Variants in SCMH1 observed in about 807,000 individuals in gnomAD.
SCMH1 encodes the protein polycomb protein SCMH1.
A neutral mutation model predicts 70.8 loss-of-function variants in SCMH1; 37 were observed. The ratio of observed to expected loss-of-function variants is 0.52; its 90% CI spans 0.40 to 0.69. SCMH1 has a LOEUF of 0.69. Ranked by LOEUF, SCMH1 falls within the 30% of genes least tolerant of loss-of-function variation. The pLI, the probability that SCMH1 is intolerant of heterozygous loss-of-function variation, is 0.00. For synonymous variants in SCMH1, 292 were observed against 307.4 expected, an observed-to-expected ratio of 0.95 and a Z score of 0.52; for missense variants, 607 against 827.3, an observed-to-expected ratio of 0.73 and a Z score of 3.27.
chr1:41,119,438 C>CAA (rs140951721), intron 6 of SCMH1, among the ~76,000 whole-genome samples: 47 of 85,472 alleles, frequency 5.5e-4, no homozygotes, highest in East Asian at 2.9e-3. Context: ...CCCTTTAGGG[C>CAA]AAAAAAAAAA....
chr1:41,233,622 C>T (rs1045006962), intron 1 of SCMH1, among the ~76,000 whole-genome samples: 1 of 152,088 alleles, frequency 6.6e-6, no homozygotes, highest in Non-Finnish European at 1.5e-5. Flanking sequence ...TCTGAGATAT[C>T]CATATCTCTA....
chr1:41,186,092 C>T lies in SCMH1; in HGVS notation c.13+29G>A, dbSNP rs1398063520. Reference sequence around the variant, plus strand: ...TTGCTAGGTCTCTTAATCCCTCTTACCTCCACGATAGGGTAAAAAGATACT... The same window carrying T: ...TTGCTAGGTCTCTTAATCCCTCTTATCTCCACGATAGGGTAAAAAGATACT... On this transcript the variant is annotated intron_variant, in intron 2 of 14. Transcript: ENST00000337495. 4.5e-6 allele frequency: 7 copies of T among 1,546,644 alleles called. No individual in the cohort carries two copies. In the East Asian group the frequency reaches 1.7e-4, roughly 38 times the overall value.
intron 6 of SCMH1, among the ~76,000 whole-genome samples, chr1:41,123,801 A>G (rs1672518683): frequency 6.6e-6 from 1 of 152,242 alleles, no homozygotes; most frequent in Admixed American, 6.5e-5. Flanking sequence ...CAAAAGAGTA[A>G]TATCCCTTAT....
Position 41,051,612 on chromosome 1 carries a change from T to C in SCMH1, c.1106-2722A>G, listed in dbSNP as rs76243024. ...CCTAGGCTAATGTGTGTGTATGTCT[T>C]GGGTTTTAATAAAAAAGTTTAAAAA... is the stretch of plus-strand genomic sequence containing the variant. On this transcript the variant is annotated intron_variant, in intron 10 of 14. Coordinates refer to ENST00000337495, the Ensembl canonical transcript of SCMH1. Among the ~76,000 whole-genome samples the C allele has an allele frequency of 8.7e-4, 133 of 152,190 alleles. No individual in the cohort carries two copies. The East Asian group carries it at 0.017, about 19-fold the overall frequency.
At chr1:41,237,346 T>C (rs1662594406) in intron 1 of SCMH1, among the ~76,000 whole-genome samples, 1 of 152,112 alleles carries the variant, frequency 6.6e-6, no homozygotes, top group Non-Finnish European at 1.5e-5. Flanking sequence ...ACAAAACAAA[T>C]CTTAGATTTT....
chr1:41,232,199 C>T (rs1159324309), intron 1 of SCMH1, among the ~76,000 whole-genome samples: 1 of 152,034 alleles, frequency 6.6e-6, no homozygotes, highest in Non-Finnish European at 1.5e-5. Context: ...TTATTCTCAC[C>T]TTTTTATCCT....
At chr1:41,173,768 G>C (rs1013061335) in intron 2 of SCMH1, among the ~76,000 whole-genome samples, 1 of 152,102 alleles carries the variant, frequency 6.6e-6, no homozygotes, top group Non-Finnish European at 1.5e-5. Flanking sequence ...TAAACAATGG[G>C]ATACTATTTA....
intron 1 of SCMH1, among the ~76,000 whole-genome samples, chr1:41,211,958 C>G (rs1200390514): frequency 2.0e-5 from 3 of 152,074 alleles, no homozygotes; most frequent in Non-Finnish European, 4.4e-5. Context: ...TAGGTGGGAA[C>G]TGAACAATGA....
At chr1:41,190,786 T>C (rs924946950) in intron 1 of SCMH1, among the ~76,000 whole-genome samples, 5 of 152,158 alleles carry the variant, frequency 3.3e-5, no homozygotes, top group African/African-American at 1.2e-4. Flanking sequence ...ATCACCACCA[T>C]CATCTTTTTT....
At chr1:41,068,409 A>AT (rs140252745) in intron 10 of SCMH1, among the ~76,000 whole-genome samples, 1 of 151,642 alleles carries the variant, frequency 6.6e-6, no homozygotes. Flanking sequence ...TGATTAAAGA[A>AT]TTTTTTTTTC....
intron 2 of SCMH1, among the ~76,000 whole-genome samples, chr1:41,171,732 AC>A (rs1248162869): frequency 2.0e-5 from 3 of 152,334 alleles, no homozygotes; most frequent in Admixed American, 1.3e-4. Context: ...GAAACCAATA[AC>A]AAGAGGAACT....
chr1:41,103,430 C>T (rs1667110165), intron 8 of SCMH1, among the ~76,000 whole-genome samples: 1 of 152,188 alleles, frequency 6.6e-6, no homozygotes, highest in African/African-American at 2.4e-5. Flanking sequence ...GCATGAGCCA[C>T]TGCGCCCGGC....
At position 41,150,761 on chromosome 1, in the gene SCMH1, C is replaced by G. The variant is rs528058854; in HGVS notation, c.177+853G>C. Among the ~76,000 whole-genome samples, 3 of 150,634 alleles carry G rather than the reference C, an allele frequency of 2.0e-5. No individual in the cohort carries two copies. The East Asian group carries it at 6.0e-4, about 30-fold the overall frequency. On this transcript the variant is annotated intron_variant, in intron 5 of 14. Coordinates refer to ENST00000337495, the Ensembl canonical transcript of SCMH1. ...ACCATCCTGGCTAACACGGTGAAACCCCGTCTCTATTAAAAATACAAAAAA... is the reference window on the plus strand; with the variant it reads ...ACCATCCTGGCTAACACGGTGAAACGCCGTCTCTATTAAAAATACAAAAAA...
At chr1:41,161,458 T>A (rs1244632028) in intron 2 of SCMH1, 26 bp from the exon 3 acceptor site, 55 of 1,537,098 alleles carry the variant, frequency 3.6e-5, no homozygotes, top group Middle Eastern at 1.7e-4. Flanking sequence ...AAAATAGTCA[T>A]GTGGAAAGAA....
chr1:41,042,506 A>C (rs1646321757), intron 12 of SCMH1, among the ~76,000 whole-genome samples: 1 of 152,126 alleles, frequency 6.6e-6, no homozygotes, highest in African/African-American at 2.4e-5. Context: ...TTGGCCTCCC[A>C]AAGTGCTGGG....
intron 5 of SCMH1, among the ~76,000 whole-genome samples, chr1:41,149,191 T>C (rs1028770903): frequency 1.3e-5 from 2 of 152,210 alleles, no homozygotes; most frequent in Non-Finnish European, 2.9e-5. Context: ...CACGTCTATT[T>C]GGTCACCTGA....
At chr1:41,156,171 A>C (rs148555203) in intron 4 of SCMH1, among the ~76,000 whole-genome samples, 46 of 152,224 alleles carry the variant, frequency 3.0e-4, no homozygotes, top group African/African-American at 1.1e-3. Flanking sequence ...AGATATATCT[A>C]ATCTCTATGT....
At chr1:41,233,355 T>C (rs1260830486) in intron 1 of SCMH1, among the ~76,000 whole-genome samples, 1 of 152,144 alleles carries the variant, frequency 6.6e-6, no homozygotes, top group Non-Finnish European at 1.5e-5. Context: ...TCCACTAAAC[T>C]AGCAAGCTAA....
intron 2 of SCMH1, among the ~76,000 whole-genome samples, chr1:41,170,838 C>G (rs1262059431): frequency 1.3e-5 from 2 of 152,166 alleles, no homozygotes; most frequent in Non-Finnish European, 2.9e-5. Flanking sequence ...TGTCTGCTCA[C>G]CACACCATTA....
Sources: allele counts gnomAD v4.1 joint callset (sites outside exome capture counted in the v4.1 genomes callset), GRCh38; gene constraint gnomAD v4.1.1; transcripts MANE v1.5; gene names NCBI Gene and HGNC (gene_info 2026-07-23, HGNC 2026-07-21).